Variants in FRAS1 observed in about 807,000 individuals in gnomAD.
FRAS1 encodes the protein Fraser extracellular matrix complex subunit 1, also known as extracellular matrix organizing protein FRAS1.
Under a neutral mutation model 435.2 loss-of-function variants are expected in FRAS1, and 290 were observed. That is an observed-to-expected ratio of 0.67 (90% CI 0.61 to 0.73). The LOEUF (loss-of-function observed/expected upper bound fraction) is 0.73. FRAS1 is among the 30% of genes least tolerant of loss of function. FRAS1 has a pLI of 0.00. For missense variants in FRAS1, 4,860 were observed against 5,001.5 expected, an observed-to-expected ratio of 0.97 and a Z score of 0.85; for synonymous variants, 1,800 against 1,851.0, an observed-to-expected ratio of 0.97 and a Z score of 0.71.
intron 2 of FRAS1, among the ~76,000 whole-genome samples, chr4:78,149,463 C>T (rs1720554236): frequency 6.6e-6 from 1 of 152,176 alleles, no homozygotes; most frequent in South Asian, 2.1e-4. Flanking sequence ...CAGTCTCATT[C>T]TTCACAGGAA....
intron 32 of FRAS1, 86 bp from the exon 33 acceptor site, chr4:78,418,862 AT>A (rs34936138): frequency 2.2e-4 from 156 of 715,258 alleles, no homozygotes; most frequent in African/African-American, 1.7e-3. Flanking sequence ...GCCCAGAGCA[AT>A]TTTTTTTTCT....
chr4:78,292,320 C>T (rs72657045), intron 14 of FRAS1, among the ~76,000 whole-genome samples: 2,992 of 152,124 alleles, frequency 0.02, 38 homozygotes, highest in Non-Finnish European at 0.029. Flanking sequence ...ATTTTAAGTG[C>T]TCAGATTAAA....
At chr4:78,260,382 T>G (rs1267879971) in intron 6 of FRAS1, among the ~76,000 whole-genome samples, 10 of 152,228 alleles carry the variant, frequency 6.6e-5, no homozygotes, top group African/African-American at 1.4e-4. Flanking sequence ...ATTTCATCGA[T>G]CAGTGGTTTG....
intron 2 of FRAS1, chr4:78,180,952 G>A (rs116649017): frequency 0.015 from 23,640 of 1,609,472 alleles, 218 homozygotes; most frequent in Non-Finnish European, 0.017. Flanking sequence ...CGGTTTGGGC[G>A]CCCACCACGC....
chr4:78,452,997 A>AGAATT (rs1427716985), intron 47 of FRAS1, among the ~76,000 whole-genome samples: 9 of 152,156 alleles, frequency 5.9e-5, no homozygotes, highest in Admixed American at 5.9e-4. Context: ...TTGGGTATAC[A>AGAATT]GAATTTGTAT....
intron 2 of FRAS1, among the ~76,000 whole-genome samples, chr4:78,126,377 C>T (rs2109973808): frequency 6.6e-6 from 1 of 152,312 alleles, no homozygotes; most frequent in South Asian, 2.1e-4. Flanking sequence ...AACACCCCAC[C>T]CTGCATCGGC....
At chr4:78,146,086 A>G (rs973814234) in intron 2 of FRAS1, among the ~76,000 whole-genome samples, 181 of 152,240 alleles carry the variant, frequency 1.2e-3, no homozygotes, top group African/African-American at 4.1e-3. Flanking sequence ...GGACTACTAC[A>G]AGTACCCAGA....
chr4:78,130,393 T>A (rs1266248054), intron 2 of FRAS1, among the ~76,000 whole-genome samples: 2 of 152,202 alleles, frequency 1.3e-5, no homozygotes, highest in Non-Finnish European at 2.9e-5. Flanking sequence ...GTTTAATGGC[T>A]TTAATAGTAC....
At chr4:78,454,127 T>C (rs780188371) in intron 47 of FRAS1, among the ~76,000 whole-genome samples, 21 of 151,468 alleles carry the variant, frequency 1.4e-4, no homozygotes, top group Non-Finnish European at 2.8e-4. Context: ...AGATGACAGT[T>C]GAGCAGACAT....
At chr4:78,419,278 GC>G (rs1355960377) in intron 33 of FRAS1, among the ~76,000 whole-genome samples, 1 of 152,194 alleles carries the variant, frequency 6.6e-6, no homozygotes, top group African/African-American at 2.4e-5. Context: ...GAATGTGATG[GC>G]TTTGGCACTG....
At chr4:78,418,090 G>A (rs997740598) in intron 32 of FRAS1, among the ~76,000 whole-genome samples, 3 of 152,168 alleles carry the variant, frequency 2.0e-5, no homozygotes, top group Admixed American at 6.5e-5. Context: ...AGTTATGGAT[G>A]TACACAGGGG....
intron 47 of FRAS1, among the ~76,000 whole-genome samples, chr4:78,452,770 G>C (rs893628934): frequency 5.9e-5 from 9 of 152,194 alleles, no homozygotes; most frequent in African/African-American, 2.2e-4. Context: ...TGCTGCTCAG[G>C]AAATGAAGAT....
At chr4:78,140,654 T>C (rs931427156) in intron 2 of FRAS1, among the ~76,000 whole-genome samples, 2 of 149,986 alleles carry the variant, frequency 1.3e-5, no homozygotes, top group Admixed American at 6.6e-5. Flanking sequence ...TATATGTATA[T>C]ACGTATATAC....
intron 25 of FRAS1, 145 bp from the exon 26 acceptor site, chr4:78,375,594 G>A (rs781601038): frequency 4.7e-6 from 3 of 643,640 alleles, no homozygotes; most frequent in African/African-American, 3.7e-5. Flanking sequence ...TATATATTCT[G>A]TAGGGAAACT....
At chr4:78,096,478 G>A (rs1383454232) in intron 2 of FRAS1, among the ~76,000 whole-genome samples, 1 of 152,210 alleles carries the variant, frequency 6.6e-6, no homozygotes, top group African/African-American at 2.4e-5. Flanking sequence ...TACCCTAGCA[G>A]AGGTTCTCCA....
At chr4:78,478,624 T>G in intron 55 of FRAS1, among the ~76,000 whole-genome samples, 1 of 152,230 alleles carries the variant, frequency 6.6e-6, no homozygotes, top group Non-Finnish European at 1.5e-5. Context: ...AAAATAAACA[T>G]CATATGGAAT....
intron 2 of FRAS1, among the ~76,000 whole-genome samples, chr4:78,210,790 G>C (rs1723471178): frequency 6.6e-6 from 1 of 152,212 alleles, no homozygotes; most frequent in African/African-American, 2.4e-5. Flanking sequence ...GGGAATTGTA[G>C]GTGTTGGAGC....
chr4:78,301,513 T>G (rs1578237311), intron 14 of FRAS1, among the ~76,000 whole-genome samples: 1 of 152,014 alleles, frequency 6.6e-6, no homozygotes, highest in Non-Finnish European at 1.5e-5. Flanking sequence ...CAGATAATAC[T>G]GGGGGGAAAG....
chr4:78,464,693 G>A (rs1170484035), intron 49 of FRAS1, 110 bp downstream of exon 49: 5 of 1,161,670 alleles, frequency 4.3e-6, no homozygotes, highest in Non-Finnish European at 6.0e-6. Context: ...TGTAAGGTGA[G>A]TGCAAGCATC....
Sources: allele counts gnomAD v4.1 joint callset (sites outside exome capture counted in the v4.1 genomes callset), GRCh38; gene constraint gnomAD v4.1.1; transcripts MANE v1.5; gene names NCBI Gene and HGNC (gene_info 2026-07-23, HGNC 2026-07-21).